FER1L6: variants seen among roughly 807,000 people sequenced by gnomAD.
The protein encoded by FER1L6 is fer-1 like family member 6.
A neutral mutation model predicts 219.2 loss-of-function variants in FER1L6; 177 were observed. The observed-to-expected ratio is 0.81, with a 90% CI of 0.71 to 0.91. FER1L6 has a LOEUF of 0.91. FER1L6 is among the 40% of genes least tolerant of loss of function. FER1L6 has a pLI of 0.00. For missense variants in FER1L6, 2,153 were observed against 2,259.9 expected (o/e 0.95, Z 0.96); for synonymous variants, 768 against 824.3 (o/e 0.93, Z 1.17).
At chr8:124,085,635 C>G (rs1435860578) in intron 33 of FER1L6, among the ~76,000 whole-genome samples, 1 of 151,450 alleles carries the variant, frequency 6.6e-6, no homozygotes. Flanking sequence ...TGTTTTGTGG[C>G]CTAACGTGTG....
intron 2 of FER1L6, among the ~76,000 whole-genome samples, chr8:123,962,759 C>G (rs1041964443): frequency 6.6e-6 from 1 of 152,150 alleles, no homozygotes; most frequent in Non-Finnish European, 1.5e-5. Context: ...TCCCAAGTAG[C>G]TGGAATTACA....
chr8:123,932,987 C>G (rs1426827936), intron 1 of FER1L6, among the ~76,000 whole-genome samples: 12 of 152,202 alleles, frequency 7.9e-5, no homozygotes, highest in Admixed American at 7.9e-4. Flanking sequence ...CCACTAATGA[C>G]CTGATTTTAT....
At chr8:123,931,503 A>T (rs1480510037) in intron 1 of FER1L6, among the ~76,000 whole-genome samples, 1 of 152,250 alleles carries the variant, frequency 6.6e-6, no homozygotes, top group East Asian at 1.9e-4. Flanking sequence ...GCAGTTAGTA[A>T]GTACCGCAGG....
chr8:124,108,671 A>T (rs1822881668), intron 39 of FER1L6, among the ~76,000 whole-genome samples: 1 of 152,036 alleles, frequency 6.6e-6, no homozygotes, highest in African/African-American at 2.4e-5. Context: ...GAGCCCCAGA[A>T]TTTGAGACCA....
chr8:123,884,506 G>C (rs889298093), intron 1 of FER1L6, among the ~76,000 whole-genome samples: 1 of 152,180 alleles, frequency 6.6e-6, no homozygotes, highest in Non-Finnish European at 1.5e-5. Flanking sequence ...CACAGTGCAG[G>C]CTGTTTTGGC....
At chr8:123,898,643 T>TA (rs1812789403) in intron 1 of FER1L6, among the ~76,000 whole-genome samples, 6 of 142,048 alleles carry the variant, frequency 4.2e-5, no homozygotes, top group Admixed American at 7.1e-5. Flanking sequence ...GTATTCCATT[T>TA]TATATATATA....
At chr8:123,907,357 A>G (rs1246868873) in intron 1 of FER1L6, among the ~76,000 whole-genome samples, 1 of 152,154 alleles carries the variant, frequency 6.6e-6, no homozygotes, top group African/African-American at 2.4e-5. Flanking sequence ...TCACACGGTC[A>G]TAGCTGCTGC....
intron 12 of FER1L6, among the ~76,000 whole-genome samples, chr8:123,988,819 T>C (rs747460754): frequency 3.9e-5 from 6 of 152,220 alleles, no homozygotes; most frequent in African/African-American, 7.2e-5. Context: ...CCTTTGTTTC[T>C]TTCTCTTGTC....
At chr8:124,092,622 G>C (rs1822083572) in intron 34 of FER1L6, among the ~76,000 whole-genome samples, 2 of 152,070 alleles carry the variant, frequency 1.3e-5, no homozygotes, top group Non-Finnish European at 2.9e-5. Flanking sequence ...ACACTGTGTT[G>C]GTCTGTTCTT....
chr8:123,923,466 C>T (rs1193541418), intron 1 of FER1L6, among the ~76,000 whole-genome samples: 1 of 152,160 alleles, frequency 6.6e-6, no homozygotes, highest in African/African-American at 2.4e-5. Flanking sequence ...CAATGTCATG[C>T]TGCTTCCCCA....
At chr8:123,908,141 T>C (rs567810810) in intron 1 of FER1L6, among the ~76,000 whole-genome samples, 1 of 152,210 alleles carries the variant, frequency 6.6e-6, no homozygotes, top group South Asian at 2.1e-4. Context: ...AACCCAAAAA[T>C]ATGGGGAAGT....
chr8:124,090,804 T>C (rs866752178), intron 33 of FER1L6, among the ~76,000 whole-genome samples: 2 of 152,180 alleles, frequency 1.3e-5, no homozygotes, highest in Non-Finnish European at 1.5e-5. Flanking sequence ...ACATCAAGAC[T>C]CTATCTGTGA....
chr8:124,037,228 T>C (rs1418299018), intron 19 of FER1L6, among the ~76,000 whole-genome samples: 2 of 152,056 alleles, frequency 1.3e-5, no homozygotes, highest in African/African-American at 4.8e-5. Context: ...AATTACAGGG[T>C]TAGCCATTTC....
intron 36 of FER1L6, 124 bp from the exon 37 acceptor site, chr8:124,097,661 T>A: frequency 1.5e-6 from 1 of 648,064 alleles, no homozygotes; most frequent in Non-Finnish European, 2.8e-6. Flanking sequence ...CCCTAAGTGT[T>A]GATATTTCTG....
intron 1 of FER1L6, among the ~76,000 whole-genome samples, chr8:123,914,201 A>G (rs1245561779): frequency 6.6e-6 from 1 of 152,044 alleles, no homozygotes; most frequent in Non-Finnish European, 1.5e-5. Context: ...TACTTTCATC[A>G]TGGTAGAAAG....
At chr8:124,041,347 G>A (rs1458204275) in intron 20 of FER1L6, among the ~76,000 whole-genome samples, 1 of 152,246 alleles carries the variant, frequency 6.6e-6, no homozygotes, top group Non-Finnish European at 1.5e-5. Flanking sequence ...ATTGGCTGAT[G>A]TTGAGAGGGC....
At chr8:123,899,769 C>T (rs754084806) in intron 1 of FER1L6, among the ~76,000 whole-genome samples, 1 of 151,932 alleles carries the variant, frequency 6.6e-6, no homozygotes, top group Non-Finnish European at 1.5e-5. Context: ...GTCCTTTCTC[C>T]ACTTTTTGTT....
intron 29 of FER1L6, 37 bp downstream of exon 29, chr8:124,069,512 G>A (rs375857923): frequency 3.6e-5 from 53 of 1,464,616 alleles, no homozygotes; most frequent in Non-Finnish European, 4.6e-5. Flanking sequence ...CATGGATGGG[G>A]AGGGATGCTC....
chr8:123,905,392 C>G (rs1812933127), intron 1 of FER1L6, among the ~76,000 whole-genome samples: 1 of 152,164 alleles, frequency 6.6e-6, no homozygotes, highest in South Asian at 2.1e-4. Context: ...CATCCATGTC[C>G]CTGCAAAGGA....
Sources: allele counts gnomAD v4.1 joint callset (sites outside exome capture counted in the v4.1 genomes callset), GRCh38; gene constraint gnomAD v4.1.1; transcripts MANE v1.5; gene names NCBI Gene and HGNC (gene_info 2026-07-23, HGNC 2026-07-21).